FRAS1: variants seen among roughly 807,000 people sequenced by gnomAD.
FRAS1 encodes extracellular matrix organizing protein FRAS1.
Under a neutral mutation model 435.2 loss-of-function variants are expected in FRAS1, and 290 were observed. The observed-to-expected ratio is 0.67, with a 90% confidence interval of 0.61 to 0.73. FRAS1 has a LOEUF of 0.73. Ranked by LOEUF, FRAS1 falls within the 30% of genes least tolerant of loss-of-function variation. The pLI is 0.00. For missense variants in FRAS1, 4,860 were observed against 5,001.5 expected (o/e 0.97, Z 0.85); for synonymous variants, 1,800 against 1,851.0 (o/e 0.97, Z 0.71).
intron 2 of FRAS1, among the ~76,000 whole-genome samples, chr4:78,114,100 G>A (rs977575970): frequency 1.3e-5 from 2 of 152,128 alleles, no homozygotes; most frequent in Admixed American, 6.6e-5. Flanking sequence ...TTTCCCCATT[G>A]CTTGTTTTTC....
intron 2 of FRAS1, among the ~76,000 whole-genome samples, chr4:78,174,605 A>T (rs1373883230): frequency 6.6e-6 from 1 of 152,200 alleles, no homozygotes; most frequent in Non-Finnish European, 1.5e-5. Flanking sequence ...GAGCATACCA[A>T]CTGTCTAACA....
chr4:78,534,096 A>G (rs1477224990), intron 70 of FRAS1, among the ~76,000 whole-genome samples: 1 of 152,180 alleles, frequency 6.6e-6, no homozygotes, highest in Non-Finnish European at 1.5e-5. Context: ...TCAAAGCCTC[A>G]GAGCATGCAG....
chr4:78,454,416 C>T lies in FRAS1; in HGVS notation c.6763+2062C>T, dbSNP rs569853972. Reference sequence around the variant, plus strand: ...CAATGGTGGAGGAGGGCATGTAGTACGTGTATGGCAGGAGGGCATGCAGAG... The same window carrying T: ...CAATGGTGGAGGAGGGCATGTAGTATGTGTATGGCAGGAGGGCATGCAGAG... On this transcript the variant is annotated intron_variant, in intron 47 of 73. Transcript: ENST00000512123. 6.6e-5 allele frequency among the ~76,000 whole-genome samples: 10 copies of T among 152,104 alleles called. No homozygotes were observed. The East Asian group carries it at 1.4e-3, about 21-fold the overall frequency.
intron 12 of FRAS1, among the ~76,000 whole-genome samples, 181 bp downstream of exon 12, chr4:78,283,148 A>C (rs1408799908): frequency 6.6e-6 from 1 of 152,192 alleles, no homozygotes; most frequent in African/African-American, 2.4e-5. Flanking sequence ...GTAATTGCCA[A>C]ACTCAACAGA....
intron 30 of FRAS1, among the ~76,000 whole-genome samples, chr4:78,406,127 C>G (rs574992336): frequency 6.6e-6 from 1 of 152,138 alleles, no homozygotes; most frequent in Non-Finnish European, 1.5e-5. Context: ...GGTACATGTT[C>G]ACAAAATAAT....
intron 2 of FRAS1, among the ~76,000 whole-genome samples, chr4:78,218,601 A>G (rs1230439011): frequency 1.3e-5 from 2 of 152,090 alleles, no homozygotes; most frequent in Non-Finnish European, 1.5e-5. Context: ...TGAGAGAATT[A>G]CTCTGTAGAA....
chr4:78,143,719 G>C (rs938149589), intron 2 of FRAS1, among the ~76,000 whole-genome samples: 1 of 149,204 alleles, frequency 6.7e-6, no homozygotes, highest in Non-Finnish European at 1.5e-5. Context: ...AACATGATGA[G>C]ACCCTGTCTC....
intron 2 of FRAS1, among the ~76,000 whole-genome samples, chr4:78,087,952 G>C (rs1741285258): frequency 6.6e-6 from 1 of 152,140 alleles, no homozygotes; most frequent in South Asian, 2.1e-4. Context: ...AACCAAAAAA[G>C]AGCCCTCATT....
At chr4:78,292,755 T>A (rs191221554) in intron 14 of FRAS1, among the ~76,000 whole-genome samples, 37 of 152,266 alleles carry the variant, frequency 2.4e-4, no homozygotes, top group African/African-American at 8.4e-4. Flanking sequence ...TGGTGTCACC[T>A]CCATGGCCCT....
rs367770853 is a variant in FRAS1, at chr4:78,387,384, G to A, written c.3658G>A (p.Val1220Met). Residue 1220 changes from valine (V) to methionine (M), a missense_variant, in exon 29 of 74, where the codon GTG becomes ATG. Val to Met is a conservative substitution (Grantham distance 21, BLOSUM62 1). Coordinates refer to ENST00000512123, the MANE Select transcript of FRAS1 (RefSeq NM_025074.7). ...CCCTTCAACTCCACAGGCCCCCTATGTGCTGAGAAATGAAGTTCTCCACAT... is the reference window on the plus strand; with the variant it reads ...CCCTTCAACTCCACAGGCCCCCTATATGCTGAGAAATGAAGTTCTCCACAT... The part of the protein sequence containing the change: ...IQAFSTQAPY[V>M]LRNEVLHISR... 9 of 1,606,720 alleles carry A rather than the reference G, an allele frequency of 5.6e-6. No homozygotes were observed. Among genetic ancestry groups the A allele is most frequent in the Middle Eastern group, 1.7e-4 (1 of 6,036 alleles).
intron 2 of FRAS1, among the ~76,000 whole-genome samples, chr4:78,172,192 A>G (rs1721588896): frequency 6.6e-6 from 1 of 152,090 alleles, no homozygotes; most frequent in Admixed American, 6.5e-5. Flanking sequence ...TGCAGACTGC[A>G]CATTCCTTGC....
At chr4:78,344,235 A>G (rs1281599616) in intron 20 of FRAS1, among the ~76,000 whole-genome samples, 1 of 151,972 alleles carries the variant, frequency 6.6e-6, no homozygotes, top group Non-Finnish European at 1.5e-5. Context: ...TGATCTTTTC[A>G]TGGGTATCTA....
intron 30 of FRAS1, among the ~76,000 whole-genome samples, 178 bp downstream of exon 30, chr4:78,401,065 G>C (rs1471405260): frequency 1.3e-5 from 2 of 152,116 alleles, no homozygotes; most frequent in Non-Finnish European, 2.9e-5. Flanking sequence ...ACATTTACTA[G>C]GTAGTGTACT....
chr4:78,274,862 A>G, intron 9 of FRAS1, among the ~76,000 whole-genome samples: 2 of 151,950 alleles, frequency 1.3e-5, no homozygotes, highest in Admixed American at 6.6e-5. Flanking sequence ...CAATTCCTGG[A>G]TATTCTTGTT....
intron 47 of FRAS1, among the ~76,000 whole-genome samples, chr4:78,458,670 A>C (rs1251760455): frequency 6.6e-6 from 1 of 152,106 alleles, no homozygotes; most frequent in Non-Finnish European, 1.5e-5. Context: ...CCTGTAACAA[A>C]CCTGTACATG....
chr4:78,294,194 G>C (rs1011568389), intron 14 of FRAS1, among the ~76,000 whole-genome samples: 15 of 152,180 alleles, frequency 9.9e-5, no homozygotes, highest in Admixed American at 6.5e-5. Context: ...CCTCCTTGTT[G>C]TTGCTGCTGA....
intron 25 of FRAS1, among the ~76,000 whole-genome samples, chr4:78,374,591 T>C (rs1044022953): frequency 2.0e-5 from 3 of 152,212 alleles, no homozygotes; most frequent in Admixed American, 6.5e-5. Flanking sequence ...CATAGAATTT[T>C]TAGTGTTTAG....
intron 58 of FRAS1, among the ~76,000 whole-genome samples, chr4:78,483,799 A>ATATATATATATATATGT: frequency 1.5e-5 from 1 of 67,468 alleles, no homozygotes; most frequent in East Asian, 4.7e-4. Flanking sequence ...TATATATATA[A>ATATATATATATATATGT]AATTATGTAT....
intron 61 of FRAS1, 132 bp from the exon 62 acceptor site, chr4:78,507,289 C>G (rs1421292861): frequency 1.3e-5 from 10 of 794,538 alleles, no homozygotes; most frequent in Middle Eastern, 5.4e-4. Flanking sequence ...TTAGCAGCCA[C>G]TGCGTTTATA....
Sources: allele counts gnomAD v4.1 joint callset (sites outside exome capture counted in the v4.1 genomes callset), GRCh38; gene constraint gnomAD v4.1.1; transcripts MANE v1.5; gene names NCBI Gene and HGNC (gene_info 2026-07-23, HGNC 2026-07-21).